The following CADM2 variants were observed in gnomAD, a reference collection of about 807,000 sequenced individuals.
The protein encoded by CADM2 is immunoglobulin superfamily member 4D.
A neutral mutation model predicts 49.8 loss-of-function variants in CADM2; 12 were observed. The observed-to-expected ratio is 0.24, with a 90% CI of 0.15 to 0.39. The LOEUF (loss-of-function observed/expected upper bound fraction) is 0.39. CADM2 is among the 10% of genes least tolerant of loss of function. The pLI, the probability that CADM2 is intolerant of heterozygous loss-of-function variation, is 1.00. For missense variants in CADM2, 378 were observed against 492.3 expected (o/e 0.77, Z 2.20); for synonymous variants, 214 against 175.4 (o/e 1.22, Z -1.74).
chr3:85,339,967 G>A (rs970974206), intron 1 of CADM2, among the ~76,000 whole-genome samples: 1 of 151,122 alleles, frequency 6.6e-6, no homozygotes, highest in Non-Finnish European at 1.5e-5. Flanking sequence ...AGATTAATAA[G>A]TGTCACTATT....
chr3:85,127,884 A>G (rs1211908676), intron 1 of CADM2, among the ~76,000 whole-genome samples: 1 of 152,160 alleles, frequency 6.6e-6, no homozygotes, highest in East Asian at 1.9e-4. Flanking sequence ...GATCAAATAC[A>G]ATCTACGTTT....
chr3:85,912,818 T>G (rs1214902829), intron 6 of CADM2, among the ~76,000 whole-genome samples: 2 of 151,990 alleles, frequency 1.3e-5, no homozygotes, highest in East Asian at 3.9e-4. Context: ...CACGTAAGGG[T>G]GGGGGAGAAA....
chr3:85,044,404 T>C (rs1195430104), intron 1 of CADM2, among the ~76,000 whole-genome samples: 1 of 152,186 alleles, frequency 6.6e-6, no homozygotes, highest in Non-Finnish European at 1.5e-5. Flanking sequence ...TGATTTGTTA[T>C]AGCACTGAAT....
At chr3:85,628,426 C>A (rs2064188193) in intron 1 of CADM2, among the ~76,000 whole-genome samples, 2 of 151,278 alleles carry the variant, frequency 1.3e-5, no homozygotes, top group South Asian at 4.1e-4. Context: ...TAATACTCTG[C>A]TCCAGGTTTT....
intron 1 of CADM2, among the ~76,000 whole-genome samples, chr3:85,229,267 A>G (rs2042229681): frequency 6.6e-6 from 1 of 152,178 alleles, no homozygotes; most frequent in Non-Finnish European, 1.5e-5. Flanking sequence ...GGACCCGCTG[A>G]GCCAGGCACC....
At chr3:85,043,623 G>C (rs2107373504) in intron 1 of CADM2, among the ~76,000 whole-genome samples, 1 of 152,206 alleles carries the variant, frequency 6.6e-6, no homozygotes, top group South Asian at 2.1e-4. Context: ...AGAGTGCAGT[G>C]AACTGTGATT....
rs192150787 is a variant in CADM2, at chr3:85,492,985, A to G, written c.62-233537A>G. 4.8e-4 allele frequency among the ~76,000 whole-genome samples: 73 copies of G among 152,272 alleles called. 3 individuals carry two copies. The South Asian group carries it at 0.014, about 29-fold the overall frequency. On this transcript the variant is annotated intron_variant, in intron 1 of 9. Transcript: ENST00000383699. The stretch of plus-strand genomic sequence containing the variant: ...TATATTAAGTAATCAAGGGGGATCT[A>G]AAGGGAATGTCAGTGAGGAAAGAGA...
chr3:85,453,504 T>G (rs1333253778), intron 1 of CADM2, among the ~76,000 whole-genome samples: 1 of 152,142 alleles, frequency 6.6e-6, no homozygotes, highest in African/African-American at 2.4e-5. Flanking sequence ...ATTAGCATTT[T>G]ATATCATTAT....
chr3:85,531,836 C>T (rs2061318866), intron 1 of CADM2, among the ~76,000 whole-genome samples: 1 of 151,924 alleles, frequency 6.6e-6, no homozygotes, highest in South Asian at 2.1e-4. Context: ...TGTGATAATC[C>T]CCATTTCAAT....
intron 8 of CADM2, among the ~76,000 whole-genome samples, chr3:86,026,752 T>A (rs1353328686): frequency 1.3e-5 from 2 of 152,222 alleles, no homozygotes; most frequent in East Asian, 3.9e-4. Context: ...CGTGTTGGTG[T>A]GATTGCTCTT....
rs1725255873 is a variant in CADM2, at chr3:85,964,672, G to T, written c.970+3025G>T. Among the ~76,000 whole-genome samples the T allele has an allele frequency of 5.3e-5, 8 of 151,596 alleles. No homozygotes were observed. The Admixed American group carries it at 5.3e-4, about 10-fold the overall frequency. On this transcript the variant is annotated intron_variant, in intron 8 of 9. Transcript: ENST00000383699. ...ATCCTCAATGAAAGGCCTACCCAGA[G>T]TCACCATACTAATACCTGTAAGATT... is the stretch of plus-strand genomic sequence containing the variant.
intron 8 of CADM2, among the ~76,000 whole-genome samples, chr3:86,008,803 T>C (rs1055936250): frequency 3.3e-5 from 5 of 152,014 alleles, no homozygotes; most frequent in African/African-American, 7.2e-5. Context: ...TTGAGAAATA[T>C]GCTTTTAAAA....
At chr3:85,285,344 G>C (rs1376785468) in intron 1 of CADM2, among the ~76,000 whole-genome samples, 1 of 152,068 alleles carries the variant, frequency 6.6e-6, no homozygotes, top group East Asian at 1.9e-4. Flanking sequence ...TGAGTGTCGA[G>C]TATCGATAGG....
At position 85,308,829 on chromosome 3, in the gene CADM2, A is replaced by G. The variant is rs183673531; in HGVS notation, c.61+349161A>G. Among the ~76,000 whole-genome samples, 545 of 152,168 alleles carry G rather than the reference A, an allele frequency of 3.6e-3. 5 individuals carry two copies. Among genetic ancestry groups the G allele is most frequent in the African/African-American group, 0.013 (524 of 41,536 alleles). On this transcript the variant is annotated intron_variant, in intron 1 of 9. Coordinates refer to ENST00000383699, the MANE Select transcript of CADM2 (RefSeq NM_001167675.2). ...ATTTGTACACATATTGATTTACCCTACCAAGTAAGATAGGCAACTACGTCT... is the reference window on the plus strand; with the variant it reads ...ATTTGTACACATATTGATTTACCCTGCCAAGTAAGATAGGCAACTACGTCT...
chr3:85,330,947 G>C (rs2044904972), intron 1 of CADM2, among the ~76,000 whole-genome samples: 1 of 152,080 alleles, frequency 6.6e-6, no homozygotes, highest in Non-Finnish European at 1.5e-5. Flanking sequence ...ACATGACAGA[G>C]TCAGACCCTG....
At chr3:85,053,113 T>C (rs1377351543) in intron 1 of CADM2, among the ~76,000 whole-genome samples, 2 of 152,082 alleles carry the variant, frequency 1.3e-5, no homozygotes, top group Non-Finnish European at 2.9e-5. Flanking sequence ...TTGCTAATGA[T>C]AGGCAAAGTA....
At chr3:85,005,242 C>T (rs1385248427) in intron 1 of CADM2, among the ~76,000 whole-genome samples, 1 of 152,096 alleles carries the variant, frequency 6.6e-6, no homozygotes, top group Non-Finnish European at 1.5e-5. Flanking sequence ...AGCCATTCAG[C>T]ACTGCTACTT....
intron 1 of CADM2, among the ~76,000 whole-genome samples, chr3:85,532,579 G>T (rs2061339115): frequency 6.6e-6 from 1 of 152,124 alleles, no homozygotes; most frequent in Non-Finnish European, 1.5e-5. Flanking sequence ...AAAAGCATCA[G>T]TGTGTGGTGG....
intron 1 of CADM2, among the ~76,000 whole-genome samples, chr3:84,973,670 G>A (rs4856554): frequency 0.34 from 51,473 of 151,902 alleles, 8,999 homozygotes; most frequent in Middle Eastern, 0.38. Flanking sequence ...TAGACCTAGA[G>A]TTCTGCTTGA....
Sources: gnomAD v4.1 joint callset for allele counts (sites outside exome capture counted in the v4.1 genomes callset) on GRCh38, gnomAD v4.1.1 for gene constraint, MANE v1.5 for transcripts, NCBI Gene and HGNC (gene_info 2026-07-23, HGNC 2026-07-21) for gene names.